TUBGCP3: variants seen among roughly 807,000 people sequenced by gnomAD.
The protein encoded by TUBGCP3 is tubulin gamma complex component 3, also known as gamma-tubulin complex component 3.
Under a neutral mutation model 123.1 loss-of-function variants are expected in TUBGCP3, and 50 were observed. That is an observed-to-expected ratio of 0.41 (90% CI 0.32 to 0.51). TUBGCP3 has a LOEUF of 0.51. TUBGCP3 is among the 20% of genes least tolerant of loss of function. The probability of loss-of-function intolerance (pLI) is 0.36; values close to 1 mark genes in which losing one functional copy is unlikely to be tolerated. For synonymous variants in TUBGCP3, 405 were observed against 413.9 expected, an observed-to-expected ratio of 0.98 and a Z score of 0.26; for missense variants, 882 against 1,127.0, an observed-to-expected ratio of 0.78 and a Z score of 3.11.
At chr13:112,599,529 C>A in the TUBGCP3 span, among the ~76,000 whole-genome samples, 1 of 152,048 alleles carries the variant, frequency 6.6e-6, no homozygotes, top group Non-Finnish European at 1.5e-5. Flanking sequence ...TTCTTATAGA[C>A]GGAGTCTCAC....
At chr13:112,569,521 A>T (rs1217787801) in intron 1 of TUBGCP3, among the ~76,000 whole-genome samples, 2 of 152,228 alleles carry the variant, frequency 1.3e-5, no homozygotes, top group Non-Finnish European at 2.9e-5. Flanking sequence ...CTGGCTCAGT[A>T]ATCACGAAAA....
chr13:112,556,211 C>T lies in TUBGCP3; in HGVS notation c.562G>A (p.Ala188Thr). ...QSLLPGQSNQ[A>T]PGVGDCLRQQ... ...CGAAGGCAATCTCCTACTCCTGGAGCTTGATTAGACTGTCTAAAAAAAGAA... is the reference window on the plus strand; with the variant it reads ...CGAAGGCAATCTCCTACTCCTGGAGTTTGATTAGACTGTCTAAAAAAAGAA... The change falls in exon 6 of 22, where the codon GCT becomes ACT. Residue 188 changes from alanine to threonine, a missense_variant. Coordinates refer to ENST00000261965, the MANE Select transcript of TUBGCP3 (RefSeq NM_006322.6). 1 of 1,612,808 alleles carries T rather than the reference C, an allele frequency of 6.2e-7. No homozygotes were observed. Among genetic ancestry groups the T allele is most frequent in the South Asian group, 1.1e-5 (1 of 91,050 alleles).
chr13:112,547,849 T>A (rs1879195777), intron 9 of TUBGCP3, 97 bp from the exon 10 acceptor site: 1 of 1,309,982 alleles, frequency 7.6e-7, no homozygotes, highest in Admixed American at 2.7e-5. Flanking sequence ...ATGATTATAC[T>A]CATAAAAATG....
At chr13:112,505,388 T>C (rs1382518064) in intron 17 of TUBGCP3, among the ~76,000 whole-genome samples, 1 of 152,256 alleles carries the variant, frequency 6.6e-6, no homozygotes, top group Non-Finnish European at 1.5e-5. Context: ...AAAGGCTTTA[T>C]AACACGGGTC....
chr13:112,516,392 G>C, intron 17 of TUBGCP3, 48 bp downstream of exon 17: 1 of 1,494,062 alleles, frequency 6.7e-7, no homozygotes, highest in Non-Finnish European at 9.0e-7. Flanking sequence ...GTGGGGGCTG[G>C]AGGCCGCTGG....
intron 8 of TUBGCP3, among the ~76,000 whole-genome samples, chr13:112,551,710 G>T (rs902050852): frequency 1.3e-5 from 2 of 152,068 alleles, no homozygotes; most frequent in African/African-American, 4.8e-5. Flanking sequence ...TGCAAAATGG[G>T]GACAATTAAT....
At chr13:112,552,052 G>A (rs570527217) in intron 8 of TUBGCP3, among the ~76,000 whole-genome samples, 1 of 152,136 alleles carries the variant, frequency 6.6e-6, no homozygotes, top group African/African-American at 2.4e-5. Flanking sequence ...CAGAGCTCAG[G>A]CGGTCATGCC....
Position 112,519,900 on chromosome 13 carries a change from C to T in TUBGCP3, c.1867G>A (p.Val623Met), listed in dbSNP as rs1233129155. ...DSPEILRRLD[V>M]RLLEVSPGDT... ...AGCCGCAGTACCTCCAGCAGCCGCA[C>T]GTCCAGCCTTCGCAGGATCTCAGGA... The change falls in exon 15 of 22, where the codon GTG becomes ATG. Residue 623 changes from valine to methionine, a missense_variant. By Grantham distance (21) the Val-to-Met change is conservative. Transcript: ENST00000261965. The surrounding 1 kb of genome is among the most constrained non-coding windows in gnomAD (Gnocchi z 6.2). The T allele has an allele frequency of 1.9e-6, 3 of 1,613,534 alleles. No homozygotes were observed. The highest frequency in any genetic ancestry group is 2.2e-5 in the East Asian group (1 of 44,866).
At chr13:112,512,342 C>T (rs868647372) in intron 17 of TUBGCP3, among the ~76,000 whole-genome samples, 1 of 149,294 alleles carries the variant, frequency 6.7e-6, no homozygotes, top group South Asian at 2.1e-4. Context: ...GAATGAGAAT[C>T]GCTTGATCCT....
intron 3 of TUBGCP3, among the ~76,000 whole-genome samples, chr13:112,563,821 G>A (rs919846734): frequency 5.3e-5 from 8 of 151,488 alleles, no homozygotes; most frequent in Non-Finnish European, 1.0e-4. Flanking sequence ...CTTGCAGTGA[G>A]CCCAGATTGC....
At chr13:112,488,931 C>A (rs1879874396) in intron 21 of TUBGCP3, among the ~76,000 whole-genome samples, 2 of 114,484 alleles carry the variant, frequency 1.7e-5, no homozygotes, top group Non-Finnish European at 3.6e-5. Flanking sequence ...CAGGGGAGCA[C>A]AGGGGTCACC....
In TUBGCP3 at chr13:112,503,098, G is replaced by A. The variant is rs114677963; in HGVS notation, c.2307+934C>T. ...CTGACAGGCCCTGAGGAGAGTGCAG[G>A]CCCAGCTGGAGGCAGCCCCTGCCAG... On this transcript the variant is annotated intron_variant, in intron 19 of 21. Transcript: ENST00000261965. Among the ~76,000 whole-genome samples, 634 of 152,208 alleles carry A rather than the reference G, an allele frequency of 4.2e-3. 2 individuals carry two copies. Among genetic ancestry groups the A allele is most frequent in the African/African-American group, 0.014 (577 of 41,528 alleles).
At position 112,519,948 on chromosome 13, in the gene TUBGCP3, C is replaced by T. The variant is rs2139060932; in HGVS notation, c.1819G>A (p.Ala607Thr). The T allele has an allele frequency of 6.2e-7, 1 of 1,614,016 alleles. No individual in the cohort carries two copies. Among genetic ancestry groups the T allele is most frequent in the South Asian group, 1.1e-5 (1 of 91,074 alleles). ...GGACTGTCAAACTGTGCGTTGGTGG[C>T]TCTGACAGCGGTTTCTAGAATTCCA... Reference protein sequence around the residue: ...LTGILETAVRATNAQFDSPEI... With the variant: ...LTGILETAVRTTNAQFDSPEI... Residue 607 changes from alanine (A) to threonine (T), a missense_variant, in exon 15 of 22, where the codon GCC (alanine) becomes ACC (threonine). Transcript: ENST00000261965. This position sits in a 1 kb window ranked among gnomAD's most constrained non-coding sequence, Gnocchi z 6.2.
chr13:112,560,071 T>C (rs1385738292), intron 3 of TUBGCP3, among the ~76,000 whole-genome samples: 1 of 149,080 alleles, frequency 6.7e-6, no homozygotes, highest in Non-Finnish European at 1.5e-5. Context: ...GAAGCAGAGG[T>C]TGCAGTGAGC....
chr13:112,605,436 T>A, the TUBGCP3 span: 1 of 152,104 alleles, frequency 6.6e-6, no homozygotes, highest in African/African-American at 2.4e-5. Context: ...AACCTTTCCA[T>A]GGAGCTCAGG....
intron 3 of TUBGCP3, among the ~76,000 whole-genome samples, chr13:112,561,268 C>T (rs1238733330): frequency 6.6e-6 from 1 of 152,212 alleles, no homozygotes; most frequent in Non-Finnish European, 1.5e-5. Flanking sequence ...TGCAAGCCAG[C>T]AACAGGGGCC....
At chr13:112,499,640 A>C (rs1880768619) in intron 19 of TUBGCP3, among the ~76,000 whole-genome samples, 1 of 152,220 alleles carries the variant, frequency 6.6e-6, no homozygotes, top group Non-Finnish European at 1.5e-5. Context: ...ATGAGAAAGG[A>C]AATACTTAGT....
intron 20 of TUBGCP3, among the ~76,000 whole-genome samples, chr13:112,493,729 G>C (rs1414446596): frequency 8.1e-6 from 1 of 123,342 alleles, no homozygotes; most frequent in Non-Finnish European, 1.7e-5. Context: ...GAGACACTCT[G>C]GCTATGGGAA....
chr13:112,580,009 C>T (rs1882168885), intron 1 of TUBGCP3, among the ~76,000 whole-genome samples: 1 of 152,200 alleles, frequency 6.6e-6, no homozygotes, highest in Admixed American at 6.5e-5. Flanking sequence ...AAAAGGTGAA[C>T]TATTGATATG....
Sources: allele counts gnomAD v4.1 joint callset (sites outside exome capture counted in the v4.1 genomes callset), GRCh38; gene constraint gnomAD v4.1.1; non-coding constraint Gnocchi (gnomAD v3.1); transcripts MANE v1.5; gene names NCBI Gene and HGNC (gene_info 2026-07-23, HGNC 2026-07-21).